The following RBM11 variants were observed in gnomAD, a reference collection of about 807,000 sequenced individuals.
The protein encoded by RBM11 is RNA binding motif protein 11.
In RBM11, 18 loss-of-function variants were observed where a neutral mutation model predicts 21.4. The ratio of observed to expected loss-of-function variants is 0.84; its 90% CI spans 0.58 to 1.25. The LOEUF (loss-of-function observed/expected upper bound fraction) is 1.25, where lower values mean the gene tolerates loss of function less well. Ranked by LOEUF, RBM11 falls within the 50% of genes most tolerant of loss-of-function variation. RBM11 has a pLI of 0.00. For missense variants in RBM11, 294 were observed against 331.9 expected, an observed-to-expected ratio of 0.89 and a Z score of 0.89; for synonymous variants, 120 against 116.3, an observed-to-expected ratio of 1.03 and a Z score of -0.20.
intron 3 of RBM11, 124 bp from the exon 4 acceptor site, chr21:14,224,314 T>A (rs1403760095): frequency 1.5e-6 from 2 of 1,372,188 alleles, no homozygotes; most frequent in African/African-American, 3.0e-5. Flanking sequence ...TGAATTTACA[T>A]GTGATTCCTC....
chr21:14,226,838 C>A (rs762311489), intron 4 of RBM11, 42 bp from the exon 5 acceptor site: 3 of 1,559,110 alleles, frequency 1.9e-6, no homozygotes, highest in Admixed American at 2.0e-5. Context: ...TTTCCTTAAC[C>A]TTTTGGATTT....
At chr21:14,225,871 C>T (rs914776916) in intron 4 of RBM11, among the ~76,000 whole-genome samples, 1 of 152,026 alleles carries the variant, frequency 6.6e-6, no homozygotes, top group African/African-American at 2.4e-5. Context: ...AAGGAAGCAT[C>T]TCTCTAAACA....
rs945176818 is a variant in RBM11 at position 14,216,193 on chromosome 21, C to T, written c.7C>T (p.Pro3Ser). The T allele has an allele frequency of 6.2e-6, 10 of 1,613,262 alleles. No homozygotes were observed. Among genetic ancestry groups the T allele is most frequent in the South Asian group, 5.5e-5 (5 of 90,946 alleles). MF[P>S]AQEEADRTVF... ...CTACGGCCGAGACCGGAGGATGTTC[C>T]CTGCTCAGGAGGAGGCCGACAGGAC... The change falls in exon 1 of 5, where the codon CCT becomes TCT. Residue 3 changes from proline to serine, a missense_variant. Around this residue, in one of 2 missense-constraint regions of RBM11, gnomAD observed 181 missense variants for 164.6 expected, o/e 1.10. Coordinates refer to ENST00000400577, the MANE Select transcript of RBM11 (RefSeq NM_144770.5).
intron 3 of RBM11, among the ~76,000 whole-genome samples, chr21:14,223,600 TCTC>T (rs1177759801): frequency 1.3e-5 from 2 of 152,166 alleles, no homozygotes; most frequent in Non-Finnish European, 2.9e-5. Context: ...ATTACCAAGA[TCTC>T]CACCTTTATC....
At chr21:14,219,847 T>C in intron 2 of RBM11, 122 bp downstream of exon 2, 2 of 716,240 alleles carry the variant, frequency 2.8e-6, no homozygotes, top group Non-Finnish European at 4.1e-6. Flanking sequence ...TTCTACCTTC[T>C]GGTCATTGTT....
chr21:14,223,435 G>C (rs1319002942), intron 3 of RBM11, among the ~76,000 whole-genome samples: 2 of 152,102 alleles, frequency 1.3e-5, no homozygotes, highest in Non-Finnish European at 2.9e-5. Context: ...GAGTACTTAA[G>C]CAATAGCTAT....
At position 14,218,918 on chromosome 21, in the gene RBM11, C is replaced by T. The variant is rs369812731; in HGVS notation, c.97-645C>T. 9.2e-5 allele frequency among the ~76,000 whole-genome samples: 14 copies of T among 151,692 alleles called. No individual in the cohort carries two copies. In the East Asian group the frequency reaches 1.5e-3, roughly 17 times the overall value. On this transcript the variant is annotated intron_variant, in intron 1 of 4. Transcript: ENST00000400577. ...AATATTTATAATTTATATTTTATTC[C>T]GTTTTAGTAACACACCATGGAATAA...
intron 1 of RBM11, among the ~76,000 whole-genome samples, chr21:14,219,338 A>G (rs1252829799): frequency 6.6e-6 from 1 of 152,198 alleles, no homozygotes; most frequent in Non-Finnish European, 1.5e-5. Context: ...TGAAACTAAT[A>G]CCTAGAATTT....
At chr21:14,219,963 G>A (rs534645742) in intron 2 of RBM11, among the ~76,000 whole-genome samples, 2 of 152,244 alleles carry the variant, frequency 1.3e-5, no homozygotes, top group African/African-American at 4.8e-5. Context: ...AATCGTTTTA[G>A]TATCAGCCAG....
rs767760971 is a variant in RBM11, at chr21:14,227,187, G to A, written c.740G>A (p.Arg247Gln). The A allele has an allele frequency of 3.8e-5, 61 of 1,613,852 alleles. No homozygotes were observed. The Middle Eastern group carries it at 6.6e-4, about 17-fold the overall frequency. ...TCTGACCTTTATCAGATGAATAAAC[G>A]AAAGAGACAAAAGCAAACAAGTGAT... ...SDSDLYQMNK[R>Q]KRQKQTSDSD... is the part of the protein sequence containing the mutation. The change falls in exon 5 of 5, where the codon CGA becomes CAA. Residue 247 changes from arginine to glutamine, a missense_variant. Arg to Gln is a conservative substitution (Grantham distance 43, BLOSUM62 1). Transcript: ENST00000400577.
Position 14,219,608 on chromosome 21 carries a change from A to G in RBM11, c.142A>G (p.Lys48Glu), listed in dbSNP as rs370089569. The G allele has an allele frequency of 6.8e-5, 109 of 1,593,164 alleles. No homozygotes were observed. Among genetic ancestry groups the G allele is most frequent in the Non-Finnish European group, 8.2e-5 (96 of 1,166,148 alleles). Residue 48 changes from lysine to glutamate, a missense_variant, in exon 2 of 5, where the codon AAG becomes GAG. Around this residue, in one of 2 missense-constraint regions of RBM11, gnomAD observed 181 missense variants for 164.6 expected, o/e 1.10. Coordinates refer to ENST00000400577, the MANE Select transcript of RBM11 (RefSeq NM_144770.5). ...GACTATATGCAAAGACAGAGAAGGA[A>G]AGCCAAAGTCTTTTGGATTTGTCTG... ...KVTICKDREG[K>E]PKSFGFVCFK...
At position 14,216,192 on chromosome 21, in the gene RBM11, C is replaced by T. The variant is rs753372738; in HGVS notation, c.6C>T (p.Phe2=). The change falls in exon 1 of 5, where the codon TTC becomes TTT. Residue 2 remains phenylalanine (F), a synonymous_variant. Coordinates refer to ENST00000400577, the MANE Select transcript of RBM11 (RefSeq NM_144770.5). M[F]PAQEEADRTV... is the part of the protein sequence containing the mutation. Reference sequence around the variant, plus strand: ...TCTACGGCCGAGACCGGAGGATGTTCCCTGCTCAGGAGGAGGCCGACAGGA... The same window carrying T: ...TCTACGGCCGAGACCGGAGGATGTTTCCTGCTCAGGAGGAGGCCGACAGGA... 6.2e-7 allele frequency: 1 copy of T among 1,613,154 alleles called. No individual in the cohort carries two copies. Among genetic ancestry groups the T allele is most frequent in the Non-Finnish European group, 8.5e-7 (1 of 1,179,452 alleles).
At chr21:14,217,245 G>A (rs542946748) in intron 1 of RBM11, among the ~76,000 whole-genome samples, 1 of 152,224 alleles carries the variant, frequency 6.6e-6, no homozygotes, top group South Asian at 2.1e-4. Flanking sequence ...CGGAATATGT[G>A]GCCTAATGGT....
Position 14,225,429 on chromosome 21 carries a change from A to AT in RBM11, c.432+901dup, listed in dbSNP as rs950633657. Among the ~76,000 whole-genome samples, 74 of 151,438 alleles carry AT rather than the reference A, an allele frequency of 4.9e-4. 2 individuals are homozygous for AT. The East Asian group carries it at 0.01, about 21-fold the overall frequency. On this transcript the variant is annotated intron_variant, in intron 4 of 4. Coordinates refer to ENST00000400577, the MANE Select transcript of RBM11 (RefSeq NM_144770.5). ...GGACTTCATTGTTAAAGGTGAACTC[A>AT]TTTTTTTTTAATTCCTCATAAATAA... is the stretch of plus-strand genomic sequence containing the variant.
intron 3 of RBM11, among the ~76,000 whole-genome samples, chr21:14,222,582 A>G (rs1037759414): frequency 6.6e-6 from 1 of 152,154 alleles, no homozygotes; most frequent in Non-Finnish European, 1.5e-5. Flanking sequence ...CCTCATCTTC[A>G]TTCACCCAAC....
chr21:14,224,288 C>A, intron 3 of RBM11, 150 bp from the exon 4 acceptor site: 1 of 1,190,720 alleles, frequency 8.4e-7, no homozygotes, highest in Non-Finnish European at 1.1e-6. Context: ...GGAGACATGT[C>A]AGCCCATCAC....
rs1978636191 is a variant in RBM11 at position 14,221,177 on chromosome 21, T to A, written c.332+8T>A. The A allele has an allele frequency of 6.5e-7, 1 of 1,539,656 alleles. No homozygotes were observed. On this transcript the variant is annotated splice_region_variant and intron_variant, in intron 3 of 4. Transcript: ENST00000400577. ...AAATTCACACAACTACAGGTAATTTTAAAAATATTTCTCATCAAAGGTAAA... is the reference window on the plus strand; with the variant it reads ...AAATTCACACAACTACAGGTAATTTAAAAAATATTTCTCATCAAAGGTAAA...
intron 3 of RBM11, among the ~76,000 whole-genome samples, chr21:14,222,450 G>T (rs1327538988): frequency 6.6e-6 from 1 of 152,004 alleles, no homozygotes; most frequent in African/African-American, 2.4e-5. Flanking sequence ...AACAATAGCT[G>T]ACCCTCCTAT....
At chr21:14,221,065 T>C (rs1193409664) in intron 2 of RBM11, 32 bp from the exon 3 acceptor site, 1 of 1,525,528 alleles carries the variant, frequency 6.6e-7, no homozygotes, top group Non-Finnish European at 8.8e-7. Flanking sequence ...AAATGTACCA[T>C]GAAGTAACCT....
Sources: gnomAD v4.1 joint callset for allele counts (sites outside exome capture counted in the v4.1 genomes callset) on GRCh38, gnomAD v4.1.1 for gene constraint, gnomAD v4.1.1 regional missense constraint, MANE v1.5 for transcripts, NCBI Gene and HGNC (gene_info 2026-07-23, HGNC 2026-07-21) for gene names.